Variants in NOX4 observed in about 807,000 individuals in gnomAD.
The protein encoded by NOX4 is kidney oxidase-1.
In NOX4, 69 loss-of-function variants were observed where a neutral mutation model predicts 87.6. The observed-to-expected ratio is 0.79, with a 90% confidence interval of 0.65 to 0.96. The LOEUF (loss-of-function observed/expected upper bound fraction) is 0.96, where lower values mean the gene tolerates loss of function less well. Among genes scored for constraint, NOX4 ranks in the 40% least tolerant of loss-of-function variants. The probability of loss-of-function intolerance (pLI) is 0.00; values close to 1 mark genes in which losing one functional copy is unlikely to be tolerated. For missense variants in NOX4, 680 were observed against 681.5 expected (o/e 1.00, Z 0.02); for synonymous variants, 275 against 238.2 (o/e 1.15, Z -1.42).
chr11:89,333,789 T>C (rs1166766232), intron 17 of NOX4, among the ~76,000 whole-genome samples: 1 of 151,758 alleles, frequency 6.6e-6, no homozygotes, highest in African/African-American at 2.4e-5. Flanking sequence ...TCCATTCTTT[T>C]CCTAAGTATG....
intron 3 of NOX4, among the ~76,000 whole-genome samples, chr11:89,450,664 T>C (rs1944917559): frequency 6.6e-6 from 1 of 151,940 alleles, no homozygotes; most frequent in African/African-American, 2.4e-5. Flanking sequence ...GCTGGTGTGC[T>C]GCACCCGTTA....
chr11:89,414,910 T>C (rs1179650607), intron 8 of NOX4, among the ~76,000 whole-genome samples: 4 of 151,940 alleles, frequency 2.6e-5, no homozygotes, highest in Non-Finnish European at 5.9e-5. Flanking sequence ...CCTAGATTTT[T>C]ACAATACATA....
chr11:89,523,488 G>T, the NOX4 span, among the ~76,000 whole-genome samples: 2 of 152,294 alleles, frequency 1.3e-5, no homozygotes, highest in Middle Eastern at 6.8e-3. Flanking sequence ...CCATCTAAAT[G>T]ACCATATTTT....
At chr11:89,417,378 G>GTTTT (rs1942842677) in intron 8 of NOX4, among the ~76,000 whole-genome samples, 1 of 152,092 alleles carries the variant, frequency 6.6e-6, no homozygotes, top group Admixed American at 6.6e-5. Flanking sequence ...GTTTTGTTTT[G>GTTTT]TTTTCACCAG....
chr11:89,469,198 A>T (rs927085466), intron 2 of NOX4, among the ~76,000 whole-genome samples: 1 of 152,174 alleles, frequency 6.6e-6, no homozygotes, highest in African/African-American at 2.4e-5. Context: ...AAATTTTCTC[A>T]ACAAATTAAG....
intron 14 of NOX4, among the ~76,000 whole-genome samples, chr11:89,341,648 C>G (rs1946008197): frequency 6.6e-6 from 1 of 151,850 alleles, no homozygotes; most frequent in Admixed American, 6.6e-5. Flanking sequence ...TTTACTTGCC[C>G]CATTTGAATG....
At position 89,491,277 on chromosome 11, in the gene NOX4, C is replaced by T. The variant is rs757435974; in HGVS notation, c.-31G>A. On this transcript the variant is annotated 5_prime_UTR_variant, in exon 1 of 18. Transcript: ENST00000263317. ...CGGCCCCGCCGCGCTGCGCTCTGTG[C>T]CCGCCGGACCGAGAAGGAGCGGGCG... 5.0e-6 allele frequency: 8 copies of T among 1,602,634 alleles called. No homozygotes were observed. The African/African-American group carries it at 6.7e-5, about 13-fold the overall frequency.
At chr11:89,457,542 T>C (rs73535445) in intron 2 of NOX4, among the ~76,000 whole-genome samples, 6,785 of 152,254 alleles carry the variant, frequency 0.045, 456 homozygotes, top group African/African-American at 0.15. Context: ...GGCCAGAGAC[T>C]GCAGCTGAGG....
At chr11:89,438,584 T>C (rs1192305555) in intron 6 of NOX4, among the ~76,000 whole-genome samples, 1 of 83,908 alleles carries the variant, frequency 1.2e-5, no homozygotes, top group African/African-American at 5.1e-5. Flanking sequence ...TACTATATAT[T>C]ATATACTATA....
upstream of NOX4, among the ~76,000 whole-genome samples, chr11:89,491,766 A>ACACAC (rs1491101040): frequency 8.4e-6 from 1 of 118,344 alleles, no homozygotes; most frequent in South Asian, 2.3e-4. Flanking sequence ...ACACACACAC[A>ACACAC]AGAAGACACA....
chr11:89,412,982 G>GA (rs200880084), intron 8 of NOX4, among the ~76,000 whole-genome samples: 2 of 151,886 alleles, frequency 1.3e-5, no homozygotes, highest in Non-Finnish European at 2.9e-5. Flanking sequence ...AGTTATGTAA[G>GA]AAAAAAATCT....
At chr11:89,394,374 G>A (rs1941333807) in intron 11 of NOX4, among the ~76,000 whole-genome samples, 1 of 151,658 alleles carries the variant, frequency 6.6e-6, no homozygotes, top group African/African-American at 2.4e-5. Context: ...AAAAACTCTT[G>A]CTGCTCTGTA....
chr11:89,400,813 C>T (rs1299238064), intron 9 of NOX4, among the ~76,000 whole-genome samples: 1 of 150,236 alleles, frequency 6.7e-6, no homozygotes, highest in Non-Finnish European at 1.5e-5. Context: ...TTTTAATGTA[C>T]ATAATGTATA....
At chr11:89,391,974 C>T (rs1565229945) in intron 11 of NOX4, among the ~76,000 whole-genome samples, 2 of 147,054 alleles carry the variant, frequency 1.4e-5, no homozygotes, top group Non-Finnish European at 3.0e-5. Context: ...TCCTTCCTTC[C>T]TTCTTTCCTT....
intron 8 of NOX4, among the ~76,000 whole-genome samples, chr11:89,418,699 A>G (rs1942928457): frequency 6.6e-6 from 1 of 151,910 alleles, no homozygotes; most frequent in Non-Finnish European, 1.5e-5. Context: ...AATAATTCCA[A>G]CCAAAAACGA....
intron 2 of NOX4, among the ~76,000 whole-genome samples, chr11:89,466,537 T>C (rs964033593): frequency 1.3e-5 from 2 of 152,208 alleles, no homozygotes; most frequent in African/African-American, 4.8e-5. Context: ...TCTGTACTTT[T>C]AAAGTAAGTG....
At chr11:89,579,415 G>A in the NOX4 span, among the ~76,000 whole-genome samples, 1 of 152,008 alleles carries the variant, frequency 6.6e-6, no homozygotes, top group African/African-American at 2.4e-5. Context: ...GACAGAGAGT[G>A]TGTGGGAAAT....
At chr11:89,373,271 T>C (rs1407599856) in intron 12 of NOX4, among the ~76,000 whole-genome samples, 161 bp downstream of exon 12, 1 of 40,248 alleles carries the variant, frequency 2.5e-5, no homozygotes, top group Non-Finnish European at 6.0e-5. Flanking sequence ...GTCAAAACTG[T>C]ACAAGCAAAA....
chr11:89,326,830 T>C lies in NOX4; in HGVS notation c.1663A>G (p.Thr555Ala). The change falls in exon 18 of 18, where the codon ACT becomes GCT. Residue 555 changes from threonine to alanine, a missense_variant. Transcript: ENST00000263317. ...TTCTGGTTACTCAGTTTATGAAGAG[T>C]CTTGGATAGTGAATTGGGTCCACAA... is the stretch of plus-strand genomic sequence containing the variant. ...FCCGPNSLSK[T>A]LHKLSNQNNS... is the part of the protein sequence containing the mutation. 1 of 1,613,138 alleles carries C rather than the reference T, an allele frequency of 6.2e-7. No homozygotes were observed. Among genetic ancestry groups the C allele is most frequent in the Non-Finnish European group, 8.5e-7 (1 of 1,179,332 alleles).
Sources: gnomAD v4.1 joint callset for allele counts (sites outside exome capture counted in the v4.1 genomes callset) on GRCh38, gnomAD v4.1.1 for gene constraint, MANE v1.5 for transcripts, NCBI Gene and HGNC (gene_info 2026-07-23, HGNC 2026-07-21) for gene names.